Variants in DCDC1 observed in about 807,000 individuals in gnomAD.
The protein encoded by DCDC1 is doublecortin domain containing 1.
A neutral mutation model predicts 178.3 loss-of-function variants in DCDC1; 200 were observed. That is an observed-to-expected ratio of 1.12 (90% confidence interval 1.00 to 1.26). The LOEUF (loss-of-function observed/expected upper bound fraction) is 1.26, where lower values mean the gene tolerates loss of function less well. Among genes scored for constraint, DCDC1 ranks in the 50% most tolerant of loss-of-function variants. The pLI is 0.00. For synonymous variants in DCDC1, 690 were observed against 604.8 expected, an observed-to-expected ratio of 1.14 and a Z score of -2.07; for missense variants, 1,983 against 1,749.2, an observed-to-expected ratio of 1.13 and a Z score of -2.38.
chr11:31,082,274 C>A (rs1162945945), intron 17 of DCDC1, among the ~76,000 whole-genome samples: 1 of 152,036 alleles, frequency 6.6e-6, no homozygotes, highest in African/African-American at 2.4e-5. Context: ...ATCACTTAGT[C>A]TCTAGTGGCC....
intron 32 of DCDC1, among the ~76,000 whole-genome samples, chr11:30,900,763 A>G (rs548575647): frequency 6.6e-6 from 1 of 152,094 alleles, no homozygotes; most frequent in Non-Finnish European, 1.5e-5. Context: ...TGGCTTACCA[A>G]AATTCTTACT....
Position 31,277,964 on chromosome 11 carries a change from T to TATTTGCCTACCCAAGG in DCDC1, c.961-12380_961-12365dup, listed in dbSNP as rs2137244508. Among the ~76,000 whole-genome samples the TATTTGCCTACCCAAGG allele has an allele frequency of 2.0e-5, 3 of 152,242 alleles. No individual in the cohort carries two copies. In the South Asian group the frequency reaches 6.2e-4, roughly 32 times the overall value. On this transcript the variant is annotated intron_variant, in intron 7 of 38. Transcript: ENST00000684477. ...TTCATATTTTTTGTGTCCTAAGAAA[T>TATTTGCCTACCCAAGG]ATTTGCCTACCCAAGGTTAAAAAGA... is the stretch of plus-strand genomic sequence containing the variant.
At chr11:31,157,099 G>C (rs1965782794) in intron 9 of DCDC1, among the ~76,000 whole-genome samples, 1 of 151,702 alleles carries the variant, frequency 6.6e-6, no homozygotes. Context: ...GTTGTAACCG[G>C]CCAGGTGGGT....
intron 9 of DCDC1, among the ~76,000 whole-genome samples, chr11:31,190,334 T>C (rs1225850653): frequency 6.6e-6 from 1 of 152,050 alleles, no homozygotes; most frequent in African/African-American, 2.4e-5. Flanking sequence ...CAATTATAAA[T>C]AACAGGGCAA....
chr11:31,313,877 C>A (rs10128753), intron 3 of DCDC1, among the ~76,000 whole-genome samples: 61,400 of 152,012 alleles, frequency 0.4, 12,799 homozygotes, highest in African/African-American at 0.47. Context: ...TTTTCTATAA[C>A]ATTCTGGAAC....
chr11:31,045,376 A>AT (rs1326327305), intron 20 of DCDC1, among the ~76,000 whole-genome samples: 6 of 147,352 alleles, frequency 4.1e-5, no homozygotes, highest in Non-Finnish European at 7.5e-5. Context: ...ATTTGACCCC[A>AT]TTTTTTCTTT....
At chr11:31,158,058 T>C in intron 9 of DCDC1, among the ~76,000 whole-genome samples, 1 of 152,138 alleles carries the variant, frequency 6.6e-6, no homozygotes, top group East Asian at 1.9e-4. Flanking sequence ...ACCTAAAATC[T>C]ACTCTCTTAG....
chr11:31,313,940 T>C (rs1485846201), intron 3 of DCDC1, among the ~76,000 whole-genome samples: 2 of 152,218 alleles, frequency 1.3e-5, no homozygotes, highest in Non-Finnish European at 2.9e-5. Flanking sequence ...GACAGATTGA[T>C]CATCTTGTCC....
chr11:31,179,640 G>C (rs1220980909), intron 9 of DCDC1, among the ~76,000 whole-genome samples: 1 of 152,138 alleles, frequency 6.6e-6, no homozygotes, highest in Non-Finnish European at 1.5e-5. Context: ...ATATCAAAGA[G>C]AGAAGAACAG....
intron 20 of DCDC1, among the ~76,000 whole-genome samples, chr11:31,033,342 A>G (rs1306282645): frequency 6.6e-6 from 1 of 152,118 alleles, no homozygotes; most frequent in East Asian, 1.9e-4. Flanking sequence ...TCTGTTTTAC[A>G]TGATCTTATT....
chr11:31,248,324 A>G (rs1943725478), intron 8 of DCDC1, among the ~76,000 whole-genome samples: 1 of 152,124 alleles, frequency 6.6e-6, no homozygotes, highest in Admixed American at 6.6e-5. Context: ...ATAGAAAACA[A>G]AGTAAAACAT....
intron 22 of DCDC1, among the ~76,000 whole-genome samples, chr11:30,927,235 T>C (rs1037936455): frequency 6.6e-6 from 1 of 152,126 alleles, no homozygotes; most frequent in Admixed American, 6.6e-5. Context: ...TATATCATCA[T>C]GTAATGATCC....
rs747853593 is a variant in DCDC1, at chr11:31,102,244, C to T, written c.1916G>A (p.Cys639Tyr). The change falls in exon 15 of 39, where the codon TGT becomes TAT. Residue 639 changes from cysteine (C) to tyrosine (Y), a missense_variant. By Grantham distance (194) the Cys-to-Tyr change is radical. Transcript: ENST00000684477. Reference sequence around the variant, plus strand: ...CTGGTCAGGTATCTGTTGACTGGTACAGTTGAAATTAATTGGAAATCCCTC... The same window carrying T: ...CTGGTCAGGTATCTGTTGACTGGTATAGTTGAAATTAATTGGAAATCCCTC... Reference protein sequence around the residue: ...VCEGFPINFNCTSQQIPDQFE... With the variant: ...VCEGFPINFNYTSQQIPDQFE... 4 of 734,014 alleles carry T rather than the reference C, an allele frequency of 5.4e-6. No individual in the cohort carries two copies. In the South Asian group the frequency reaches 5.8e-5, roughly 11 times the overall value. The allele number at this position is 734,014 out of a possible 1,614,324, so 45.5% of individuals were successfully genotyped here.
chr11:31,172,364 A>G (rs1300319202), intron 9 of DCDC1, among the ~76,000 whole-genome samples: 1 of 152,132 alleles, frequency 6.6e-6, no homozygotes, highest in Non-Finnish European at 1.5e-5. Context: ...AATGAGAGAC[A>G]TTTCTGAAAA....
intron 20 of DCDC1, among the ~76,000 whole-genome samples, chr11:30,971,989 T>A (rs1240701544): frequency 6.6e-6 from 1 of 152,060 alleles, no homozygotes; most frequent in Admixed American, 6.6e-5. Flanking sequence ...TGGCACACCA[T>A]AAAGTGATCA....
intron 16 of DCDC1, 144 bp downstream of exon 16, chr11:31,093,906 G>T: frequency 1.5e-6 from 1 of 646,426 alleles, no homozygotes; most frequent in Non-Finnish European, 2.8e-6. Context: ...CAATACCAAC[G>T]GCAGAGATGG....
chr11:30,962,053 T>C (rs1565127648), intron 20 of DCDC1, among the ~76,000 whole-genome samples: 1 of 152,086 alleles, frequency 6.6e-6, no homozygotes, highest in Non-Finnish European at 1.5e-5. Flanking sequence ...TTAGCCCATT[T>C]TTATTTTGCA....
rs934792180 is a variant in DCDC1 at position 31,312,975 on chromosome 11, G to A, written c.165-5067C>T. Among the ~76,000 whole-genome samples, 8 of 152,074 alleles carry A rather than the reference G, an allele frequency of 5.3e-5. No individual in the cohort carries two copies. In the South Asian group the frequency reaches 1.7e-3, roughly 32 times the overall value. ...GTTCAAGATCAGCCTGGGCAACAGA[G>A]CAAGACCTCGTCTCTAAAAAAAATT... On this transcript the variant is annotated intron_variant, in intron 3 of 38. Transcript: ENST00000684477.
At chr11:30,981,574 T>A (rs1950396704) in intron 20 of DCDC1, among the ~76,000 whole-genome samples, 2 of 152,316 alleles carry the variant, frequency 1.3e-5, no homozygotes, top group East Asian at 3.9e-4. Context: ...TTAGTCAATT[T>A]AAATTTTAAG....
Sources: gnomAD v4.1 joint callset for allele counts (sites outside exome capture counted in the v4.1 genomes callset) on GRCh38, gnomAD v4.1.1 for gene constraint, MANE v1.5 for transcripts, NCBI Gene and HGNC (gene_info 2026-07-23, HGNC 2026-07-21) for gene names.